The following PKP3 variants were observed in gnomAD, a reference collection of about 807,000 sequenced individuals.
The protein encoded by PKP3 is plakophilin-3.
Under a neutral mutation model 76.5 loss-of-function variants are expected in PKP3, and 66 were observed. The ratio of observed to expected loss-of-function variants is 0.86; its 90% confidence interval spans 0.71 to 1.06. PKP3 has a LOEUF of 1.06. Among genes scored for constraint, PKP3 ranks in the 50% least tolerant of loss-of-function variants. The pLI, the probability that PKP3 is intolerant of heterozygous loss-of-function variation, is 0.00. For synonymous variants in PKP3, 638 were observed against 516.5 expected, an observed-to-expected ratio of 1.24 and a Z score of -3.19; for missense variants, 1,338 against 1,141.0, an observed-to-expected ratio of 1.17 and a Z score of -2.49.
In PKP3 at chr11:397,417, C is replaced by T; in HGVS notation, c.916C>T (p.His306Tyr). The T allele has an allele frequency of 6.2e-7, 1 of 1,612,276 alleles. No homozygotes were observed. The highest frequency in any genetic ancestry group is 8.5e-7 in the Non-Finnish European group (1 of 1,179,728). ...GCATGGGTTCAACAGCTACGGTAGC[C>T]ACCGAACCCTGCAGAGACTCAGCAG... ...DVHGFNSYGS[H>Y]RTLQRLSSGF... is the part of the protein sequence containing the mutation. The change falls in exon 3 of 13, where the codon CAC becomes TAC. Residue 306 changes from histidine to tyrosine, a missense_variant. His to Tyr is a moderately conservative substitution (Grantham distance 83, BLOSUM62 2). Coordinates refer to ENST00000331563, the MANE Select transcript of PKP3 (RefSeq NM_007183.4).
Position 403,562 on chromosome 11 carries a change from C to A in PKP3, c.1924-56C>A. 2.6e-6 allele frequency: 4 copies of A among 1,555,178 alleles called. No homozygotes were observed. In the South Asian group the frequency reaches 4.5e-5, roughly 18 times the overall value. On this transcript the variant is annotated intron_variant, in intron 9 of 12. Coordinates refer to ENST00000331563, the MANE Select transcript of PKP3 (RefSeq NM_007183.4). Reference sequence around the variant, plus strand: ...CAGCGACCCCATTGTGGCAGGACCCCCTCAGGTGAGGGTCTGAGGCCTCCG... The same window carrying A: ...CAGCGACCCCATTGTGGCAGGACCCACTCAGGTGAGGGTCTGAGGCCTCCG...
rs774689199 is a variant in PKP3, at chr11:397,567, G to A, written c.973G>A (p.Val325Ile). 3 of 1,612,126 alleles carry A rather than the reference G, an allele frequency of 1.9e-6. No individual in the cohort carries two copies. Among genetic ancestry groups the A allele is most frequent in the Non-Finnish European group, 2.5e-6 (3 of 1,179,600 alleles). The change falls in exon 4 of 13, where the codon GTC (valine) becomes ATC (isoleucine). Residue 325 changes from valine (V) to isoleucine (I), a missense_variant. Coordinates refer to ENST00000331563, the MANE Select transcript of PKP3 (RefSeq NM_007183.4). ...GFDDIDLPSAVKYLMASDPNL... is the reference protein window; with the variant it reads ...GFDDIDLPSAIKYLMASDPNL... ...TGATGACATTGACCTGCCCTCAGCA[G>A]TCAAGTACCTCATGGCTTCAGACCC... is the stretch of plus-strand genomic sequence containing the variant.
intron 4 of PKP3, 63 bp downstream of exon 4, chr11:397,725 C>T (rs911730416): frequency 1.3e-6 from 2 of 1,540,590 alleles, no homozygotes; most frequent in African/African-American, 1.4e-5. Flanking sequence ...CCCACCACCT[C>T]CCACTGTCCT....
rs766107605 is a variant in PKP3 at position 399,081 on chromosome 11, C to T, written c.1158C>T (p.Arg386=). 31 of 1,611,740 alleles carry T rather than the reference C, an allele frequency of 1.9e-5. No individual in the cohort carries two copies. Among genetic ancestry groups the T allele is most frequent in the Non-Finnish European group, 2.1e-5 (25 of 1,179,338 alleles). Residue 386 remains arginine (R), a synonymous_variant, in exon 5 of 13, where the codon CGC becomes CGT. Transcript: ENST00000331563. ...EVQRHATGAM[R]NLIYDNADNK... Reference sequence around the variant, plus strand: ...AGCGCCATGCCACAGGTGCCATGCGCAACCTCATCTACGACAACGCTGACA... The same window carrying T: ...AGCGCCATGCCACAGGTGCCATGCGTAACCTCATCTACGACAACGCTGACA...
At position 394,447 on chromosome 11, in the gene PKP3, C is replaced by A; in HGVS notation, c.155C>A (p.Ala52Asp). Reference sequence around the variant, plus strand: ...GCCCGCGTCCAGGAGCAGGTCCGCGCCCGCCTCTTGCAGCTGGGACAGCAG... The same window carrying A: ...GCCCGCGTCCAGGAGCAGGTCCGCGACCGCCTCTTGCAGCTGGGACAGCAG... The part of the protein sequence containing the change: ...RAARVQEQVR[A>D]RLLQLGQQPR... The change falls in exon 1 of 13, where the codon GCC becomes GAC. Residue 52 changes from alanine to aspartate, a missense_variant. Ala to Asp is a moderately radical substitution (Grantham distance 126, BLOSUM62 -2). Transcript: ENST00000331563. The A allele has an allele frequency of 1.4e-6, 2 of 1,453,642 alleles. No homozygotes were observed. The highest frequency in any genetic ancestry group is 1.8e-6 in the Non-Finnish European group (2 of 1,110,696). 90.0% of individuals were successfully genotyped at this position (1,453,642 alleles called of 1,614,324 possible).
In PKP3 at chr11:400,620, A is replaced by C; in HGVS notation, c.1652A>C (p.Glu551Ala). The change falls in exon 8 of 13, where the codon GAG (glutamate) becomes GCG (alanine). Residue 551 changes from glutamate (E) to alanine (A), a missense_variant. By Grantham distance (107) the Glu-to-Ala change is moderately radical (BLOSUM62 -1). Transcript: ENST00000331563. ...EMPPSALQRLEGRGRRDLAGA... is the reference protein window; with the variant it reads ...EMPPSALQRLAGRGRRDLAGA... ...CCGCCGTCCGCGCTGCAGCGGCTGG[A>C]GGGTCGCGGCCGCAGGGACCTGGCG... The C allele has an allele frequency of 7.0e-7, 1 of 1,428,490 alleles. No individual in the cohort carries two copies. The highest frequency in any genetic ancestry group is 9.1e-7 in the Non-Finnish European group (1 of 1,100,158). 88.5% of individuals were successfully genotyped at this position (1,428,490 alleles called of 1,614,324 possible). A position where few individuals can be genotyped will look rare whatever the true frequency, so the allele number is the denominator to read the frequency against.
rs1392227137 is a variant in PKP3, at chr11:403,215, G to A, written c.1875G>A (p.Thr625=). The A allele has an allele frequency of 1.9e-6, 3 of 1,590,328 alleles. No homozygotes were observed. Among genetic ancestry groups the A allele is most frequent in the Admixed American group, 1.8e-5 (1 of 56,992 alleles). Residue 625 remains threonine (T), a synonymous_variant, in exon 9 of 13, where the codon ACG becomes ACA. Coordinates refer to ENST00000331563, the MANE Select transcript of PKP3 (RefSeq NM_007183.4). ...GCTGCGAGCTCAACCGGCACACGAC[G>A]GAGGCGGCCGCCGGGGCGCTGCAGA... ...LQRCELNRHT[T]EAAAGALQNI... is the part of the protein sequence containing the mutation.
In PKP3 at chr11:404,060, G is replaced by C; in HGVS notation, c.2195G>C (p.Ser732Thr). 1 of 1,612,548 alleles carries C rather than the reference G, an allele frequency of 6.2e-7. No homozygotes were observed. Among genetic ancestry groups the C allele is most frequent in the Non-Finnish European group, 8.5e-7 (1 of 1,179,802 alleles). ...GTGCTCAACAACCTGGTGGTGGCCA[G>C]CCCCATCGCTGCCCGAGACCTGCTG... ...IAVLNNLVVASPIAARDLLYF... is the reference protein window; with the variant it reads ...IAVLNNLVVATPIAARDLLYF... Residue 732 changes from serine (S) to threonine (T), a missense_variant, in exon 11 of 13, where the codon AGC becomes ACC. By Grantham distance (58) the Ser-to-Thr change is moderately conservative. Coordinates refer to ENST00000331563, the MANE Select transcript of PKP3 (RefSeq NM_007183.4). This position sits in a 1 kb window ranked among gnomAD's most constrained non-coding sequence, Gnocchi z 4.2.
chr11:394,617 C>T, intron 1 of PKP3, 93 bp downstream of exon 1: 1 of 1,081,874 alleles, frequency 9.2e-7, no homozygotes, highest in East Asian at 3.4e-5. Flanking sequence ...CGCAGTGAGG[C>T]CGGCTCCTGA....
Position 397,050 on chromosome 11 carries a change from G to A in PKP3, c.549G>A (p.Ser183=), listed in dbSNP as rs74681806. The change falls in exon 3 of 13, where the codon TCG becomes TCA. Residue 183 remains serine (S), a synonymous_variant. Coordinates refer to ENST00000331563, the MANE Select transcript of PKP3 (RefSeq NM_007183.4). ...RADYDTLSLR[S]LRLGPGGLDD... ...ACTATGACACACTCTCCCTGCGCTC[G>A]CTGCGGCTGGGGCCCGGGGGCCTGG... 62 of 1,599,360 alleles carry A rather than the reference G, an allele frequency of 3.9e-5. No individual in the cohort carries two copies. The highest frequency in any genetic ancestry group is 3.7e-4 in the African/African-American group (28 of 75,018).
At position 404,120 on chromosome 11, in the gene PKP3, A is replaced by G; in HGVS notation, c.2255A>G (p.Lys752Arg). 1 of 1,610,534 alleles carries G rather than the reference A, an allele frequency of 6.2e-7. No individual in the cohort carries two copies. Among genetic ancestry groups the G allele is most frequent in the East Asian group, 2.2e-5 (1 of 44,828 alleles). ...FDGLRKLIFIKKKRDSPDSEK... is the reference protein window; with the variant it reads ...FDGLRKLIFIRKKRDSPDSEK... Reference sequence around the variant, plus strand: ...GGACTCCGAAAGCTCATCTTCATCAAGAAGAAGCGGGACAGGTAGGGGCCG... The same window carrying G: ...GGACTCCGAAAGCTCATCTTCATCAGGAAGAAGCGGGACAGGTAGGGGCCG... The change falls in exon 11 of 13, where the codon AAG becomes AGG. Residue 752 changes from lysine to arginine, a missense_variant. Transcript: ENST00000331563. This position sits in a 1 kb window ranked among gnomAD's most constrained non-coding sequence, Gnocchi z 4.2.
chr11:397,196 C>T lies in PKP3; in HGVS notation c.695C>T (p.Pro232Leu), dbSNP rs1331182303. 1 of 1,598,384 alleles carries T rather than the reference C, an allele frequency of 6.3e-7. No individual in the cohort carries two copies. Residue 232 changes from proline to leucine, a missense_variant, in exon 3 of 13, where the codon CCC becomes CTC. Physicochemically the swap from Pro to Leu is moderately conservative, Grantham distance 98. Transcript: ENST00000331563. Reference protein sequence around the residue: ...SSSRAGGLDWPEATEVSPSRT... With the variant: ...SSSRAGGLDWLEATEVSPSRT... ...AGCCGGGCAGGGGGGCTGGACTGGCCCGAGGCCACTGAGGTTTCCCCGAGC... is the reference window on the plus strand; with the variant it reads ...AGCCGGGCAGGGGGGCTGGACTGGCTCGAGGCCACTGAGGTTTCCCCGAGC...
At chr11:395,574 G>T (rs1201357202) in intron 1 of PKP3, among the ~76,000 whole-genome samples, 1 of 152,186 alleles carries the variant, frequency 6.6e-6, no homozygotes, top group Non-Finnish European at 1.5e-5. Flanking sequence ...GGGGGTGGGG[G>T]TGAGGTCCCC....
In PKP3 at chr11:404,700, G is replaced by A. The variant is rs1177291027; in HGVS notation, c.*131G>A. ...GGGCCCCTCGCTGGGGCCCCTGTGT[G>A]CATCTTTGAGGGTCCTGGGCCACCA... On this transcript the variant is annotated 3_prime_UTR_variant, in exon 13 of 13. Transcript: ENST00000331563. The surrounding 1 kb of genome is among the most constrained non-coding windows in gnomAD (Gnocchi z 4.2). The A allele has an allele frequency of 1.3e-5, 10 of 790,766 alleles. 1 individual carries two copies. The East Asian group carries it at 2.6e-4, about 21-fold the overall frequency. 49.0% of individuals were successfully genotyped at this position (790,766 alleles called of 1,614,324 possible).
intron 4 of PKP3, 74 bp from the exon 5 acceptor site, chr11:398,918 C>T: frequency 1.7e-6 from 2 of 1,170,390 alleles, no homozygotes; most frequent in Middle Eastern, 2.6e-4. Flanking sequence ...CGCACCTGGA[C>T]ACAGCTGCAC....
upstream of PKP3, chr11:392,815 G>C (rs1426723883): frequency 4.0e-5 from 17 of 427,542 alleles, no homozygotes; most frequent in South Asian, 2.5e-4. Flanking sequence ...AACCCCCCAC[G>C]CTGACCTCCG....
chr11:403,532 G>C, intron 9 of PKP3, 86 bp from the exon 10 acceptor site: 1 of 1,358,832 alleles, frequency 7.4e-7, no homozygotes, highest in African/African-American at 1.4e-5. Context: ...GGTGGCGAGA[G>C]GATGCAGCGA....
chr11:399,573 C>T (rs1175602441), intron 5 of PKP3, among the ~76,000 whole-genome samples: 1 of 108,350 alleles, frequency 9.2e-6, no homozygotes, highest in Non-Finnish European at 1.9e-5. Context: ...CCTGTCCCTC[C>T]TCTGCCTGTC....
intron 9 of PKP3, 137 bp downstream of exon 9, chr11:403,400 G>A (rs1809130477): frequency 1.5e-5 from 13 of 861,460 alleles, no homozygotes; most frequent in Non-Finnish European, 2.1e-5. Context: ...TCCCGGTGGC[G>A]CAGGCCTTGG....
Sources: gnomAD v4.1 joint callset for allele counts (sites outside exome capture counted in the v4.1 genomes callset) on GRCh38, gnomAD v4.1.1 for gene constraint, Gnocchi (gnomAD v3.1) non-coding constraint, MANE v1.5 for transcripts, NCBI Gene and HGNC (gene_info 2026-07-23, HGNC 2026-07-21) for gene names.